The following CDH18 variants were observed in gnomAD, a reference collection of about 807,000 sequenced individuals.
CDH18 encodes the protein cadherin-18.
A neutral mutation model predicts 67.9 loss-of-function variants in CDH18; 31 were observed. That is an observed-to-expected ratio of 0.46 (90% CI 0.34 to 0.62). The LOEUF is 0.62. Ranked by LOEUF, CDH18 falls within the 20% of genes least tolerant of loss-of-function variation. The pLI is 0.01. For synonymous variants in CDH18, 362 were observed against 347.2 expected, an observed-to-expected ratio of 1.04 and a Z score of -0.48; for missense variants, 890 against 975.5, an observed-to-expected ratio of 0.91 and a Z score of 1.17.
At chr5:19,494,596 C>T (rs1741984333) in intron 11 of CDH18, among the ~76,000 whole-genome samples, 1 of 152,152 alleles carries the variant, frequency 6.6e-6, no homozygotes, top group Admixed American at 6.6e-5. Flanking sequence ...CAAAAAGTCT[C>T]ACTTAGATAT....
At chr5:20,382,132 C>A (rs1405787793) in intron 1 of CDH18, among the ~76,000 whole-genome samples, 2 of 152,064 alleles carry the variant, frequency 1.3e-5, no homozygotes, top group Non-Finnish European at 2.9e-5. Flanking sequence ...TAGAGGTTAA[C>A]CAAGTCATTA....
intron 5 of CDH18, among the ~76,000 whole-genome samples, chr5:19,617,968 T>C (rs1035905961): frequency 5.3e-5 from 8 of 152,198 alleles, no homozygotes; most frequent in Non-Finnish European, 1.0e-4. Context: ...TCCAAAATGT[T>C]TTCTTGCATT....
At position 19,995,484 on chromosome 5, in the gene CDH18, A is replaced by G. The variant is rs370907859; in HGVS notation, c.-517-3470T>C. Among the ~76,000 whole-genome samples the G allele has an allele frequency of 1.5e-4, 23 of 152,084 alleles. 2 individuals are homozygous for G. The highest frequency in any genetic ancestry group is 5.9e-4 in the Admixed American group (9 of 15,250). On this transcript the variant is annotated intron_variant, in intron 2 of 14. Transcript: ENST00000507958. ...ATTGGAAGACATAGAGTCAAGCCAT[A>G]CGTTGACCACTCATATTAAATATAG... is the stretch of plus-strand genomic sequence containing the variant.
At chr5:19,528,097 C>T (rs1386182538) in intron 9 of CDH18, among the ~76,000 whole-genome samples, 1 of 151,718 alleles carries the variant, frequency 6.6e-6, no homozygotes, top group Non-Finnish European at 1.5e-5. Context: ...GTATTCTATT[C>T]TTGTGAAAAT....
At chr5:19,954,535 G>T (rs762692492) in intron 2 of CDH18, among the ~76,000 whole-genome samples, 2 of 151,878 alleles carry the variant, frequency 1.3e-5, no homozygotes, top group Non-Finnish European at 2.9e-5. Context: ...ACCTTATAGA[G>T]ATTTATATTA....
intron 2 of CDH18, among the ~76,000 whole-genome samples, chr5:19,944,115 C>T (rs1795081028): frequency 6.6e-6 from 1 of 151,990 alleles, no homozygotes; most frequent in African/African-American, 2.4e-5. Flanking sequence ...TTTTCCTTTT[C>T]CAATTTAATA....
chr5:20,361,743 C>G (rs1742103893), intron 1 of CDH18, among the ~76,000 whole-genome samples: 1 of 152,050 alleles, frequency 6.6e-6, no homozygotes, highest in African/African-American at 2.4e-5. Context: ...CATCCTTCAG[C>G]TTATGATTAT....
chr5:20,157,213 A>T (rs1025405304), intron 2 of CDH18, among the ~76,000 whole-genome samples: 1 of 152,182 alleles, frequency 6.6e-6, no homozygotes, highest in African/African-American at 2.4e-5. Flanking sequence ...ATATTTTTAG[A>T]CTACAGTTGA....
chr5:20,439,724 C>T (rs1749464760), intron 1 of CDH18, among the ~76,000 whole-genome samples: 1 of 151,658 alleles, frequency 6.6e-6, no homozygotes, highest in Admixed American at 6.6e-5. Context: ...AAAATCTCCA[C>T]TTTTTTAACA....
At chr5:20,331,747 C>G (rs182126260) in intron 1 of CDH18, among the ~76,000 whole-genome samples, 2 of 152,246 alleles carry the variant, frequency 1.3e-5, no homozygotes, top group African/African-American at 4.8e-5. Flanking sequence ...CCTGAAGTCT[C>G]AAGGTGGAAT....
chr5:20,233,942 T>C (rs924407456), intron 2 of CDH18, among the ~76,000 whole-genome samples: 3 of 152,160 alleles, frequency 2.0e-5, no homozygotes, highest in African/African-American at 7.2e-5. Context: ...GGAAGTGACA[T>C]TGTTTAGGGT....
intron 5 of CDH18, among the ~76,000 whole-genome samples, chr5:19,714,217 A>C (rs1342580520): frequency 6.6e-6 from 1 of 152,120 alleles, no homozygotes; most frequent in Admixed American, 6.6e-5. Context: ...TTTTCCTAAA[A>C]TACCTCAGTG....
chr5:20,389,099 G>T (rs1744587343), intron 1 of CDH18, among the ~76,000 whole-genome samples: 1 of 151,960 alleles, frequency 6.6e-6, no homozygotes, highest in Admixed American at 6.6e-5. Context: ...TCAATTCCTG[G>T]ATATCCTTGT....
At chr5:20,091,414 C>T (rs1385376561) in intron 2 of CDH18, among the ~76,000 whole-genome samples, 1 of 152,038 alleles carries the variant, frequency 6.6e-6, no homozygotes, top group Non-Finnish European at 1.5e-5. Context: ...TTTCTTGAGC[C>T]CAGGAGTTTG....
chr5:19,610,014 A>G (rs1748685999), intron 6 of CDH18, among the ~76,000 whole-genome samples: 1 of 152,120 alleles, frequency 6.6e-6, no homozygotes, highest in Non-Finnish European at 1.5e-5. Context: ...ACTACAAGCT[A>G]CTTTTGTCAT....
chr5:19,613,656 C>T (rs1047390020), intron 5 of CDH18, among the ~76,000 whole-genome samples: 2 of 152,098 alleles, frequency 1.3e-5, no homozygotes, highest in Non-Finnish European at 2.9e-5. Context: ...TACATAAACA[C>T]CCACCTCTAC....
chr5:19,665,353 T>C (rs1312684751), intron 5 of CDH18, among the ~76,000 whole-genome samples: 1 of 152,018 alleles, frequency 6.6e-6, no homozygotes, highest in African/African-American at 2.4e-5. Flanking sequence ...TGTACTTTAT[T>C]GTCTAAAATG....
chr5:20,320,069 C>T (rs567489499), intron 1 of CDH18, among the ~76,000 whole-genome samples: 35 of 152,052 alleles, frequency 2.3e-4, no homozygotes, highest in Non-Finnish European at 4.1e-4. Flanking sequence ...TGAATTGTGC[C>T]ATATAAATAT....
chr5:19,607,682 A>C (rs1403925770), intron 6 of CDH18, among the ~76,000 whole-genome samples: 21 of 151,538 alleles, frequency 1.4e-4, no homozygotes. Flanking sequence ...AAGAGAAATT[A>C]TAATGTCATT....
Sources: allele counts gnomAD v4.1 joint callset (sites outside exome capture counted in the v4.1 genomes callset), GRCh38; gene constraint gnomAD v4.1.1; transcripts MANE v1.5; gene names NCBI Gene and HGNC (gene_info 2026-07-23, HGNC 2026-07-21).